MIGA1: variants seen among roughly 807,000 people sequenced by gnomAD.
The protein encoded by MIGA1 is mitoguardin 1, also known as family with sequence similarity 73, member A.
A neutral mutation model predicts 82.0 loss-of-function variants in MIGA1; 58 were observed. The observed-to-expected ratio is 0.71, with a 90% CI of 0.57 to 0.88. The LOEUF is 0.88. Among genes scored for constraint, MIGA1 ranks in the 40% least tolerant of loss-of-function variants. MIGA1 has a pLI of 0.00. For missense variants in MIGA1, 751 were observed against 749.1 expected, an observed-to-expected ratio of 1.00 and a Z score of -0.03; for synonymous variants, 249 against 253.6, an observed-to-expected ratio of 0.98 and a Z score of 0.17.
intron 2 of MIGA1, among the ~76,000 whole-genome samples, chr1:77,800,442 C>T (rs1366728894): frequency 1.3e-5 from 2 of 152,174 alleles, no homozygotes; most frequent in Non-Finnish European, 1.5e-5. Flanking sequence ...CCTCTGATCT[C>T]CGTATTCTGA....
intron 8 of MIGA1, 58 bp downstream of exon 8, chr1:77,843,465 T>C: frequency 7.7e-7 from 1 of 1,305,404 alleles, no homozygotes. Flanking sequence ...GAAACAACAG[T>C]CTTGTCATTA....
chr1:77,806,737 A>G (rs1035210382), intron 4 of MIGA1, among the ~76,000 whole-genome samples: 3 of 152,236 alleles, frequency 2.0e-5, no homozygotes, highest in African/African-American at 7.2e-5. Context: ...TTCTGATGGA[A>G]ATAAGTGATT....
intron 8 of MIGA1, chr1:77,848,328 G>T: frequency 7.8e-7 from 1 of 1,277,452 alleles, no homozygotes; most frequent in South Asian, 1.3e-5. Context: ...ACAACAAAAT[G>T]ATCAGAACCG....
intron 1 of MIGA1, among the ~76,000 whole-genome samples, chr1:77,781,160 C>T (rs915056185): frequency 1.3e-5 from 2 of 152,064 alleles, no homozygotes; most frequent in Non-Finnish European, 2.9e-5. Flanking sequence ...CCACCCACCT[C>T]GGCCTCCCAA....
intron 8 of MIGA1, among the ~76,000 whole-genome samples, chr1:77,856,566 C>T (rs1390624710): frequency 1.3e-5 from 2 of 151,956 alleles, no homozygotes; most frequent in African/African-American, 4.8e-5. Context: ...TGTTATTGGT[C>T]TGATCAAGGT....
chr1:77,822,512 A>T (rs888460533), intron 7 of MIGA1, among the ~76,000 whole-genome samples: 2 of 152,282 alleles, frequency 1.3e-5, no homozygotes, highest in African/African-American at 2.4e-5. Flanking sequence ...AAAATACAGA[A>T]TTTTTTTGAA....
chr1:77,782,930 C>G (rs12744868), intron 1 of MIGA1: 2 of 917,250 alleles, frequency 2.2e-6, no homozygotes, highest in Admixed American at 6.2e-5. Flanking sequence ...TTTTATGTAA[C>G]CAGAAAAGAG....
intron 1 of MIGA1, among the ~76,000 whole-genome samples, chr1:77,780,550 TAAAGTC>T (rs149672461): frequency 2.7e-3 from 404 of 152,342 alleles, no homozygotes; most frequent in Non-Finnish European, 4.3e-3. Context: ...TGTTGGATTA[TAAAGTC>T]AAAGTTGCAG....
intron 2 of MIGA1, among the ~76,000 whole-genome samples, chr1:77,784,066 T>G (rs74850498): frequency 0.013 from 1,908 of 152,304 alleles, 37 homozygotes; most frequent in African/African-American, 0.044. Context: ...TGTTTGTTGA[T>G]GGACATTGGA....
chr1:77,811,635 T>C lies in MIGA1; in HGVS notation c.638-2099T>C. ...CTTCTGTGAATTCAGAATTATTGTG[T>C]TGAGCTTGGGCCTCCTTTTGTAGAT... On this transcript the variant is annotated intron_variant, in intron 5 of 15. Transcript: ENST00000370791. 3.1e-6 allele frequency: 5 copies of C among 1,612,190 alleles called. No homozygotes were observed. In the South Asian group the frequency reaches 4.4e-5, roughly 14 times the overall value.
At chr1:77,795,172 C>A (rs1682601572) in intron 2 of MIGA1, among the ~76,000 whole-genome samples, 1 of 152,058 alleles carries the variant, frequency 6.6e-6, no homozygotes, top group African/African-American at 2.4e-5. Context: ...CCATACTGGT[C>A]AGGCTGGTCT....
chr1:77,805,259 A>T (rs11162383), intron 4 of MIGA1, among the ~76,000 whole-genome samples: 97,222 of 151,494 alleles, frequency 0.64, 32,425 homozygotes, highest in Admixed American at 0.74. Context: ...CCTCCCAAAG[A>T]GCTGGGATTA....
rs778133415 is a variant in MIGA1, at chr1:77,856,973, CTGTT to C, written c.997-1961_997-1958del. Among the ~76,000 whole-genome samples the C allele has an allele frequency of 1.1e-4, 17 of 152,034 alleles. 1 individual carries two copies. The highest frequency in any genetic ancestry group is 1.0e-3 in the Admixed American group (16 of 15,246). ...TGCTTGAGGTATGACGTTAGATTGT[CTGTT>C]TGTGCTCTTTCAGACTTTTTGATGT... On this transcript the variant is annotated intron_variant, in intron 8 of 15. Coordinates refer to ENST00000370791, the MANE Select transcript of MIGA1 (RefSeq NM_198549.4).
Position 77,866,404 on chromosome 1 carries a change from A to G in MIGA1, c.1563+13A>G. 6.2e-7 allele frequency: 1 copy of G among 1,612,534 alleles called. No individual in the cohort carries two copies. Among genetic ancestry groups the G allele is most frequent in the Middle Eastern group, 1.7e-4 (1 of 6,060 alleles). Reference sequence around the variant, plus strand: ...ACAACAGATGAAGGTAAAATTCGTTATGTCCTGAATTCCTTTGTTAAATCA... The same window carrying G: ...ACAACAGATGAAGGTAAAATTCGTTGTGTCCTGAATTCCTTTGTTAAATCA... On this transcript the variant is annotated intron_variant, in intron 14 of 15. Transcript: ENST00000370791.
chr1:77,824,627 A>C (rs893261346), intron 7 of MIGA1, among the ~76,000 whole-genome samples: 2 of 152,224 alleles, frequency 1.3e-5, no homozygotes, highest in African/African-American at 4.8e-5. Context: ...ATGGTTTACT[A>C]GTAATATTTT....
chr1:77,828,389 T>C (rs1160107224), intron 7 of MIGA1, among the ~76,000 whole-genome samples: 1 of 152,210 alleles, frequency 6.6e-6, no homozygotes, highest in Non-Finnish European at 1.5e-5. Context: ...CAGCAGGTGA[T>C]TCTCATGTGC....
intron 5 of MIGA1, among the ~76,000 whole-genome samples, chr1:77,812,973 T>C (rs1327085827): frequency 1.3e-5 from 2 of 152,164 alleles, no homozygotes; most frequent in Non-Finnish European, 2.9e-5. Context: ...TTATTATCTT[T>C]TCTTCAGCTT....
intron 1 of MIGA1, among the ~76,000 whole-genome samples, chr1:77,781,986 A>G (rs967908022): frequency 1.4e-4 from 21 of 152,126 alleles, no homozygotes; most frequent in Middle Eastern, 3.4e-3. Flanking sequence ...AGTGTAGCAA[A>G]TAATTTTTTT....
chr1:77,859,183 CAT>C, intron 9 of MIGA1, 127 bp downstream of exon 9: 1 of 975,172 alleles, frequency 1.0e-6, no homozygotes, highest in Non-Finnish European at 1.6e-6. Context: ...ATTATTTTTA[CAT>C]GTTCTGTCAG....
Sources: gnomAD v4.1 joint callset for allele counts (sites outside exome capture counted in the v4.1 genomes callset) on GRCh38, gnomAD v4.1.1 for gene constraint, MANE v1.5 for transcripts, NCBI Gene and HGNC (gene_info 2026-07-23, HGNC 2026-07-21) for gene names.